The following RBFOX1 variants were observed in gnomAD, a reference collection of about 807,000 sequenced individuals.
The protein encoded by RBFOX1 is RNA binding protein fox-1 homolog 1.
A neutral mutation model predicts 57.7 loss-of-function variants in RBFOX1; 8 were observed. The ratio of observed to expected loss-of-function variants is 0.14; its 90% CI spans 0.08 to 0.25. The LOEUF is 0.25. RBFOX1 is among the 10% of genes least tolerant of loss of function. The pLI is 1.00. For synonymous variants in RBFOX1, 326 were observed against 222.4 expected, an observed-to-expected ratio of 1.47 and a Z score of -4.15; for missense variants, 611 against 548.5, an observed-to-expected ratio of 1.11 and a Z score of -1.14.
At chr16:7,080,016 A>G (rs547590756) in intron 4 of RBFOX1, among the ~76,000 whole-genome samples, 1,433 of 138,822 alleles carry the variant, frequency 0.01, 28 homozygotes, top group African/African-American at 0.035. Flanking sequence ...ATATATACAT[A>G]TATATACGTA....
At chr16:7,200,277 T>G (rs1224640605) in intron 4 of RBFOX1, among the ~76,000 whole-genome samples, 2 of 152,198 alleles carry the variant, frequency 1.3e-5, no homozygotes, top group Non-Finnish European at 2.9e-5. Flanking sequence ...AGGTAGGTTT[T>G]CCCAGGGAGT....
chr16:6,550,772 T>C (rs1017327693), intron 2 of RBFOX1, among the ~76,000 whole-genome samples: 12 of 152,246 alleles, frequency 7.9e-5, no homozygotes, highest in Non-Finnish European at 1.5e-4. Flanking sequence ...TAAGAATTTA[T>C]GTCTTTCTTG....
intron 1 of RBFOX1, among the ~76,000 whole-genome samples, chr16:5,458,479 A>G (rs954642862): frequency 2.6e-5 from 4 of 152,222 alleles, no homozygotes; most frequent in African/African-American, 9.6e-5. Flanking sequence ...TGCAATTTAC[A>G]TGGATTATCT....
chr16:6,171,353 G>A (rs2096959068), intron 1 of RBFOX1, among the ~76,000 whole-genome samples: 1 of 152,182 alleles, frequency 6.6e-6, no homozygotes, highest in Non-Finnish European at 1.5e-5. Context: ...GAGCATTTAG[G>A]TTGTTCTCAA....
At chr16:5,470,908 G>C (rs910939712) in intron 2 of RBFOX1, among the ~76,000 whole-genome samples, 1 of 152,134 alleles carries the variant, frequency 6.6e-6, no homozygotes, top group Non-Finnish European at 1.5e-5. Context: ...CTGGAGTACA[G>C]TGGTGCGATC....
intron 3 of RBFOX1, among the ~76,000 whole-genome samples, chr16:6,665,421 C>T (rs965938911): frequency 6.6e-6 from 1 of 152,028 alleles, no homozygotes; most frequent in African/African-American, 2.4e-5. Context: ...GGAGACCAGC[C>T]AGGACAACAT....
chr16:5,650,109 C>G (rs1039065333), intron 3 of RBFOX1, among the ~76,000 whole-genome samples: 1 of 152,214 alleles, frequency 6.6e-6, no homozygotes, highest in African/African-American at 2.4e-5. Flanking sequence ...GCTTTCCTCT[C>G]AATAACCTCT....
intron 3 of RBFOX1, among the ~76,000 whole-genome samples, chr16:6,987,530 C>A (rs1415045738): frequency 6.6e-6 from 1 of 150,600 alleles, no homozygotes; most frequent in African/African-American, 2.5e-5. Context: ...ACATTGCAAA[C>A]ATAATCATAT....
chr16:5,633,151 C>T (rs894570766), intron 3 of RBFOX1, among the ~76,000 whole-genome samples: 1 of 152,034 alleles, frequency 6.6e-6, no homozygotes, highest in African/African-American at 2.4e-5. Flanking sequence ...ATTGGCCAGG[C>T]TGGTCTCGAA....
At chr16:5,473,409 T>C (rs1004314204) in intron 2 of RBFOX1, among the ~76,000 whole-genome samples, 1 of 152,104 alleles carries the variant, frequency 6.6e-6, no homozygotes, top group Non-Finnish European at 1.5e-5. Context: ...TGTTTTTTTT[T>C]CTTTTTTTCT....
At chr16:7,435,517 G>A (rs892540312) in intron 4 of RBFOX1, among the ~76,000 whole-genome samples, 7 of 152,140 alleles carry the variant, frequency 4.6e-5, no homozygotes, top group Admixed American at 2.0e-4. Flanking sequence ...TGACACTTAC[G>A]GGTGAGGTGT....
At chr16:5,424,276 G>A (rs545752462) in intron 1 of RBFOX1, among the ~76,000 whole-genome samples, 4 of 152,162 alleles carry the variant, frequency 2.6e-5, no homozygotes, top group Non-Finnish European at 4.4e-5. Flanking sequence ...GATCAAAATC[G>A]TGTTTATTAT....
At chr16:7,236,577 C>G (rs947485844) in intron 4 of RBFOX1, among the ~76,000 whole-genome samples, 3 of 152,198 alleles carry the variant, frequency 2.0e-5, no homozygotes, top group Admixed American at 2.0e-4. Flanking sequence ...ACTGATATCT[C>G]TAAGTTGAAA....
At chr16:6,955,739 T>C (rs996247790) in intron 3 of RBFOX1, among the ~76,000 whole-genome samples, 3 of 150,738 alleles carry the variant, frequency 2.0e-5, no homozygotes, top group African/African-American at 7.5e-5. Flanking sequence ...GTTTCACTCT[T>C]GTTCCCCAAG....
chr16:7,536,100 A>G (rs1032204634), intron 5 of RBFOX1, among the ~76,000 whole-genome samples: 3 of 152,206 alleles, frequency 2.0e-5, no homozygotes, highest in Admixed American at 6.5e-5. Flanking sequence ...ATCCCATGGA[A>G]ATAAGAAAAC....
At chr16:7,437,907 TA>T (rs35968195) in intron 4 of RBFOX1, among the ~76,000 whole-genome samples, 34,038 of 144,664 alleles carry the variant, frequency 0.24, 4,256 homozygotes, top group East Asian at 0.34. Context: ...ACAAATTGCT[TA>T]AAAAAAAAAA....
intron 4 of RBFOX1, among the ~76,000 whole-genome samples, chr16:7,068,387 C>G (rs959715484): frequency 1.3e-5 from 2 of 152,122 alleles, no homozygotes; most frequent in Non-Finnish European, 2.9e-5. Flanking sequence ...AAGTCAGAGA[C>G]CAGAGCATTC....
intron 3 of RBFOX1, among the ~76,000 whole-genome samples, chr16:6,823,388 C>G (rs1194108751): frequency 6.6e-6 from 1 of 151,902 alleles, no homozygotes; most frequent in Non-Finnish European, 1.5e-5. Flanking sequence ...TCCCAAGTAG[C>G]TAGTATTATA....
chr16:6,901,635 T>C (rs113714543), intron 3 of RBFOX1, among the ~76,000 whole-genome samples: 3 of 152,212 alleles, frequency 2.0e-5, no homozygotes, highest in Admixed American at 6.5e-5. Flanking sequence ...AATCTGTTTC[T>C]GGTAACCTTC....
Sources: allele counts gnomAD v4.1 joint callset (sites outside exome capture counted in the v4.1 genomes callset), GRCh38; gene constraint gnomAD v4.1.1; transcripts MANE v1.5; gene names NCBI Gene and HGNC (gene_info 2026-07-23, HGNC 2026-07-21).